The following RANBP17 variants were observed in gnomAD, a reference collection of about 807,000 sequenced individuals.
RANBP17 encodes the protein RAN binding protein 17, also known as ran-binding protein 17.
In RANBP17, 158 loss-of-function variants were observed where a neutral mutation model predicts 141.2. That is an observed-to-expected ratio of 1.12 (90% CI 0.98 to 1.28). The LOEUF is 1.28. RANBP17 is among the 50% of genes most tolerant of loss of function. The probability of loss-of-function intolerance (pLI) is 0.00; values close to 1 mark genes in which losing one functional copy is unlikely to be tolerated. For synonymous variants in RANBP17, 430 were observed against 450.0 expected (o/e 0.96, Z 0.56); for missense variants, 1,438 against 1,290.7 (o/e 1.11, Z -1.75).
intron 1 of RANBP17, among the ~76,000 whole-genome samples, chr5:170,870,239 C>T (rs1318142518): frequency 6.6e-6 from 1 of 152,096 alleles, no homozygotes. Context: ...TTCTGAGATA[C>T]ACGTGCAGAA....
At chr5:171,200,496 G>T (rs1274873369) in intron 19 of RANBP17, among the ~76,000 whole-genome samples, 1 of 152,070 alleles carries the variant, frequency 6.6e-6, no homozygotes, top group East Asian at 1.9e-4. Flanking sequence ...AATAGAAATA[G>T]TATCTTCTGA....
chr5:171,060,422 A>T (rs548437440), intron 14 of RANBP17, among the ~76,000 whole-genome samples: 1 of 152,040 alleles, frequency 6.6e-6, no homozygotes, highest in African/African-American at 2.4e-5. Context: ...TGAGATAATC[A>T]TGTGGTTTTT....
intron 25 of RANBP17, among the ~76,000 whole-genome samples, chr5:171,283,282 G>A (rs116059502): frequency 1.6e-3 from 241 of 152,240 alleles, no homozygotes; most frequent in Non-Finnish European, 2.9e-3. Flanking sequence ...GCTCTTTGAG[G>A]GCTGGGACTG....
chr5:171,083,548 G>A lies in RANBP17; in HGVS notation c.1711-86582G>A, dbSNP rs181236329. Among the ~76,000 whole-genome samples, 340 of 152,296 alleles carry A rather than the reference G, an allele frequency of 2.2e-3. 2 individuals carry two copies. The highest frequency in any genetic ancestry group is 7.9e-3 in the African/African-American group (329 of 41,570). On this transcript the variant is annotated intron_variant, in intron 14 of 27. Coordinates refer to ENST00000523189, the MANE Select transcript of RANBP17 (RefSeq NM_022897.5). ...GTTGACCCTTGAACAACACAAGTTT[G>A]AACTGTGCATGTCAACTTCTACATT...
At chr5:171,121,664 T>A (rs1179039509) in intron 14 of RANBP17, among the ~76,000 whole-genome samples, 2 of 152,112 alleles carry the variant, frequency 1.3e-5, no homozygotes, top group African/African-American at 4.8e-5. Context: ...GTGAGGACAG[T>A]GGGAGGTGGT....
intron 9 of RANBP17, among the ~76,000 whole-genome samples, chr5:170,916,917 T>C (rs970145430): frequency 2.9e-4 from 44 of 152,154 alleles, no homozygotes; most frequent in African/African-American, 1.0e-3. Context: ...GGTTTCACCA[T>C]GTTGGGCAGG....
chr5:171,251,766 C>A, intron 24 of RANBP17: 1 of 972,372 alleles, frequency 1.0e-6, no homozygotes, highest in Non-Finnish European at 1.6e-6. Context: ...CCTCCTCCCG[C>A]GCCCGCCCCC....
intron 22 of RANBP17, among the ~76,000 whole-genome samples, chr5:171,222,400 T>C (rs1763622513): frequency 6.6e-6 from 1 of 152,190 alleles, no homozygotes; most frequent in Non-Finnish European, 1.5e-5. Context: ...CTGTCATCAA[T>C]GAAATTCTCT....
rs764315576 is a variant in RANBP17, at chr5:171,242,735, G to T, written c.2691G>T (p.Gln897His). ...SYYPLLECLTQDHMSFIINLE... is the reference protein window; with the variant it reads ...SYYPLLECLTHDHMSFIINLE... Reference sequence around the variant, plus strand: ...ATCCACTCCTGGAATGTCTCACTCAGGACCATATGAGCTTCATCATCAACT... The same window carrying T: ...ATCCACTCCTGGAATGTCTCACTCATGACCATATGAGCTTCATCATCAACT... The change falls in exon 24 of 28, where the codon CAG becomes CAT. Residue 897 changes from glutamine to histidine, a missense_variant. Physicochemically the swap from Gln to His is conservative, Grantham distance 24. Transcript: ENST00000523189. The T allele has an allele frequency of 1.2e-6, 2 of 1,613,738 alleles. No homozygotes were observed. The highest frequency in any genetic ancestry group is 1.7e-6 in the Non-Finnish European group (2 of 1,179,768).
chr5:171,188,764 A>G (rs959051533), intron 18 of RANBP17, among the ~76,000 whole-genome samples: 1 of 152,328 alleles, frequency 6.6e-6, no homozygotes, highest in South Asian at 2.1e-4. Context: ...TAGGTTAAAC[A>G]ACAGGATAGC....
chr5:171,010,266 G>A (rs1042450528), intron 14 of RANBP17, among the ~76,000 whole-genome samples: 8 of 152,278 alleles, frequency 5.3e-5, no homozygotes, highest in South Asian at 4.1e-4. Context: ...GAGGAACTTG[G>A]TAAATGCCTC....
chr5:171,057,492 G>C (rs1414748922), intron 14 of RANBP17, among the ~76,000 whole-genome samples: 2 of 151,980 alleles, frequency 1.3e-5, no homozygotes, highest in African/African-American at 2.4e-5. Flanking sequence ...TCTTCATTCT[G>C]TCTTATAGCT....
chr5:170,891,073 G>A (rs569210786), intron 3 of RANBP17, among the ~76,000 whole-genome samples: 1 of 152,170 alleles, frequency 6.6e-6, no homozygotes, highest in African/African-American at 2.4e-5. Context: ...AGTCACTTTT[G>A]CTATAACATG....
intron 14 of RANBP17, among the ~76,000 whole-genome samples, chr5:171,052,954 G>A (rs1321226928): frequency 2.6e-5 from 4 of 152,154 alleles, no homozygotes; most frequent in African/African-American, 4.8e-5. Context: ...CTGGGTTCAA[G>A]CGATTATCCT....
At chr5:170,905,078 T>G (rs988731305) in intron 5 of RANBP17, among the ~76,000 whole-genome samples, 2 of 152,158 alleles carry the variant, frequency 1.3e-5, no homozygotes, top group Admixed American at 6.6e-5. Flanking sequence ...TAATAAATGT[T>G]TATATTAAAA....
At chr5:171,192,821 T>G (rs1474948596) in intron 18 of RANBP17, among the ~76,000 whole-genome samples, 1 of 152,256 alleles carries the variant, frequency 6.6e-6, no homozygotes, top group Middle Eastern at 3.4e-3. Context: ...TGATGACACT[T>G]CCCAACACAT....
chr5:171,275,738 A>T (rs1428752282), intron 25 of RANBP17, among the ~76,000 whole-genome samples: 3 of 152,196 alleles, frequency 2.0e-5, no homozygotes. Context: ...ACAGTTTGAC[A>T]TGGAATACTC....
At chr5:171,212,770 T>C (rs1263552964) in intron 20 of RANBP17, among the ~76,000 whole-genome samples, 1 of 152,128 alleles carries the variant, frequency 6.6e-6, no homozygotes, top group Non-Finnish European at 1.5e-5. Context: ...AAAGAGAAAT[T>C]AAGGCAGTGA....
At chr5:171,001,379 G>A (rs573682703) in intron 14 of RANBP17, among the ~76,000 whole-genome samples, 1 of 152,224 alleles carries the variant, frequency 6.6e-6, no homozygotes, top group South Asian at 2.1e-4. Flanking sequence ...TAAGAATTGG[G>A]AGTACCCAGG....
Sources: gnomAD v4.1 joint callset for allele counts (sites outside exome capture counted in the v4.1 genomes callset) on GRCh38, gnomAD v4.1.1 for gene constraint, MANE v1.5 for transcripts, NCBI Gene and HGNC (gene_info 2026-07-23, HGNC 2026-07-21) for gene names.